RNF4: variants seen among roughly 807,000 people sequenced by gnomAD.
RNF4 encodes E3 ubiquitin-protein ligase RNF4.
RNF4 carries 7 observed loss-of-function variants against 24.3 expected under a neutral mutation model. That is an observed-to-expected ratio of 0.29 (90% CI 0.16 to 0.54). RNF4 has a LOEUF of 0.54. Ranked by LOEUF, RNF4 falls within the 20% of genes least tolerant of loss-of-function variation. The pLI is 0.95. For synonymous variants in RNF4, 83 were observed against 84.3 expected (o/e 0.98, Z 0.09); for missense variants, 209 against 248.5 (o/e 0.84, Z 1.07).
chr4:2,493,075 G>A (rs1735627685), intron 2 of RNF4, among the ~76,000 whole-genome samples: 1 of 152,176 alleles, frequency 6.6e-6, no homozygotes, highest in African/African-American at 2.4e-5. Flanking sequence ...AGAGTGGGGA[G>A]CTCTGCAGAT....
At chr4:2,473,460 A>G (rs1030844868) in intron 1 of RNF4, among the ~76,000 whole-genome samples, 2 of 152,226 alleles carry the variant, frequency 1.3e-5, no homozygotes, top group African/African-American at 4.8e-5. Context: ...GAGGGGTTCT[A>G]GACTTCAATG....
chr4:2,498,471 A>G (rs915328577), intron 3 of RNF4, among the ~76,000 whole-genome samples: 1 of 152,092 alleles, frequency 6.6e-6, no homozygotes, highest in African/African-American at 2.4e-5. Context: ...TACAGGCCTG[A>G]GCCACCCGCC....
intron 1 of RNF4, among the ~76,000 whole-genome samples, chr4:2,484,389 C>G (rs1214571328): frequency 6.6e-6 from 1 of 152,046 alleles, no homozygotes. Flanking sequence ...TAACACTCTT[C>G]CTGTTTCCTG....
At chr4:2,509,618 G>A (rs529271647) in intron 4 of RNF4, among the ~76,000 whole-genome samples, 2 of 152,156 alleles carry the variant, frequency 1.3e-5, no homozygotes, top group African/African-American at 2.4e-5. Context: ...ACACTCTGGC[G>A]ACCCTGTTCT....
intron 1 of RNF4, among the ~76,000 whole-genome samples, chr4:2,479,103 C>T (rs562973359): frequency 6.6e-6 from 1 of 152,322 alleles, no homozygotes. Flanking sequence ...TTGGACTGCT[C>T]TGCTGGATTT....
chr4:2,498,423 GATTATCCACCTGCCTTGGCCTCCCAAA>G, intron 3 of RNF4, among the ~76,000 whole-genome samples: 2 of 151,780 alleles, frequency 1.3e-5, no homozygotes. Flanking sequence ...CCTGACCTCA[GATTATCCACCTGCCTTGGCCTCCCAAA>G]GTGCTGGGAT....
intron 4 of RNF4, among the ~76,000 whole-genome samples, chr4:2,509,257 G>T (rs1204487263): frequency 1.3e-5 from 2 of 151,402 alleles, no homozygotes; most frequent in Non-Finnish European, 2.9e-5. Flanking sequence ...CGCTATTGTT[G>T]TCTAGGCTGG....
intron 1 of RNF4, among the ~76,000 whole-genome samples, chr4:2,476,260 C>T (rs1735067307): frequency 6.6e-6 from 1 of 152,226 alleles, no homozygotes; most frequent in Non-Finnish European, 1.5e-5. Context: ...CTAAAATTTG[C>T]TTCCCTTGTA....
chr4:2,489,060 G>A (rs573067327), intron 1 of RNF4, among the ~76,000 whole-genome samples: 2 of 152,200 alleles, frequency 1.3e-5, no homozygotes, highest in African/African-American at 4.8e-5. Context: ...TGATCCACCC[G>A]CCTTGGCCTC....
rs1736342646 is a variant in RNF4 at position 2,514,001 on chromosome 4, G to T, written c.*182G>T. On this transcript the variant is annotated 3_prime_UTR_variant, in exon 8 of 8. Transcript: ENST00000314289. ...TCTCCAGTTTGATGCTATGGCGCTG[G>T]ACCCAGGGCCCTCCCAGGCCATCTC... 1.3e-6 allele frequency: 1 copy of T among 778,658 alleles called. No homozygotes were observed. The highest frequency in any genetic ancestry group is 2.0e-6 in the Non-Finnish European group (1 of 496,294). 48.2% of individuals were successfully genotyped at this position (778,658 alleles called of 1,614,324 possible).
At chr4:2,501,958 G>T (rs977726311) in intron 4 of RNF4, among the ~76,000 whole-genome samples, 3 of 152,208 alleles carry the variant, frequency 2.0e-5, no homozygotes, top group African/African-American at 7.2e-5. Context: ...ATAAGCAGCA[G>T]TGGGTTTAGT....
In RNF4 at chr4:2,500,585, A is replaced by G. The variant is rs559631788; in HGVS notation, c.125-74A>G. On this transcript the variant is annotated intron_variant, in intron 3 of 7. Transcript: ENST00000314289. ...GGGTAAGCCTATAACATTAGCAGTC[A>G]TACTAAAGTGTAGAGGGATACAACC... 1.7e-4 allele frequency: 245 copies of G among 1,457,084 alleles called. No homozygotes were observed. The South Asian group carries it at 2.8e-3, about 16-fold the overall frequency. 90.3% of individuals were successfully genotyped at this position (1,457,084 alleles called of 1,614,324 possible).
At chr4:2,475,823 C>T (rs1347252344) in intron 1 of RNF4, among the ~76,000 whole-genome samples, 1 of 152,134 alleles carries the variant, frequency 6.6e-6, no homozygotes, top group Non-Finnish European at 1.5e-5. Context: ...TCCTGAGGCA[C>T]TGGGAGATCA....
At position 2,512,858 on chromosome 4, in the gene RNF4, G is replaced by A. The variant is rs1366938100; in HGVS notation, c.375-225G>A. On this transcript the variant is annotated intron_variant, in intron 6 of 7. Transcript: ENST00000314289. This position sits in a 1 kb window ranked among gnomAD's most constrained non-coding sequence, Gnocchi z 4.1. ...GGGATCCTGGGGCTGGTAGGGGCCTGGGGGAGGGCAGGGTGACTCAGGTTG... is the reference window on the plus strand; with the variant it reads ...GGGATCCTGGGGCTGGTAGGGGCCTAGGGGAGGGCAGGGTGACTCAGGTTG... Among the ~76,000 whole-genome samples, 1 of 152,156 alleles carries A rather than the reference G, an allele frequency of 6.6e-6. No individual in the cohort carries two copies. The highest frequency in any genetic ancestry group is 1.5e-5 in the Non-Finnish European group (1 of 68,016).
intron 4 of RNF4, among the ~76,000 whole-genome samples, chr4:2,504,513 T>A (rs539908704): frequency 2.0e-5 from 3 of 148,786 alleles, no homozygotes; most frequent in South Asian, 2.1e-4. Context: ...AAAACTTCTT[T>A]GTTTTATAGC....
At chr4:2,479,175 G>GT (rs1170800400) in intron 1 of RNF4, among the ~76,000 whole-genome samples, 4 of 152,220 alleles carry the variant, frequency 2.6e-5, no homozygotes, top group African/African-American at 7.2e-5. Context: ...TGGAATGGCT[G>GT]TATTTACCCA....
At chr4:2,489,329 G>T (rs2108760394) in intron 1 of RNF4, among the ~76,000 whole-genome samples, 1 of 152,306 alleles carries the variant, frequency 6.6e-6, no homozygotes, top group South Asian at 2.1e-4. Context: ...TGGTGCACAG[G>T]AGGATGACAC....
rs1735761416 is a variant in RNF4 at position 2,497,124 on chromosome 4, A to G, written c.124+3A>G. ...ACCCATAGAACTCGTGGAAACTGGT[A>G]AGATTGCCAGGGACACTACAACTGT... On this transcript the variant is annotated splice_donor_region_variant and intron_variant, in intron 3 of 7. Coordinates refer to ENST00000314289, the MANE Select transcript of RNF4 (RefSeq NM_002938.5). 2 of 1,597,386 alleles carry G rather than the reference A, an allele frequency of 1.3e-6. No individual in the cohort carries two copies. The highest frequency in any genetic ancestry group is 2.3e-5 in the South Asian group (2 of 88,322).
intron 1 of RNF4, chr4:2,479,961 A>G (rs1045671080): frequency 6.6e-6 from 1 of 152,166 alleles, no homozygotes; most frequent in African/African-American, 2.4e-5. Flanking sequence ...CAGAATGACA[A>G]GGGTCTTGCC....
Sources: allele counts gnomAD v4.1 joint callset (sites outside exome capture counted in the v4.1 genomes callset), GRCh38; gene constraint gnomAD v4.1.1; non-coding constraint Gnocchi (gnomAD v3.1); transcripts MANE v1.5; gene names NCBI Gene and HGNC (gene_info 2026-07-23, HGNC 2026-07-21).